Variants in FGD1 observed in about 807,000 individuals in gnomAD.
FGD1 encodes FYVE, RhoGEF and PH domain-containing protein 1.
Under a neutral mutation model 65.0 loss-of-function variants are expected in FGD1, and 12 were observed. That is an observed-to-expected ratio of 0.18 (90% CI 0.12 to 0.30). FGD1 has a LOEUF of 0.30. Among genes scored for constraint, FGD1 ranks in the 10% least tolerant of loss-of-function variants. The probability of loss-of-function intolerance (pLI) is 1.00; values close to 1 mark genes in which losing one functional copy is unlikely to be tolerated. For synonymous variants in FGD1, 333 were observed against 343.9 expected, an observed-to-expected ratio of 0.97 and a Z score of 0.35; for missense variants, 542 against 837.6, an observed-to-expected ratio of 0.65 and a Z score of 4.36.
At position 54,470,232 on chromosome X, in the gene FGD1, C is replaced by T. The variant is rs772237720; in HGVS notation, c.885G>A (p.Glu295=). The change falls in exon 4 of 18, where the codon GAG becomes GAA. Residue 295 remains glutamate (E), a synonymous_variant. Coordinates refer to ENST00000375135, the MANE Select transcript of FGD1 (RefSeq NM_004463.3). ...CGTCATCACTGACGAAGCAGGTCTC[C>T]TCGCTGTTGGATGGCGAGCTGATGC... The part of the protein sequence containing the change: ...IDSISSPSNS[E]ETCFVSDDGP... 1 of 1,205,677 alleles carries T rather than the reference C, an allele frequency of 8.3e-7. No individual in the cohort carries two copies. The highest frequency in any genetic ancestry group is 1.1e-6 in the Non-Finnish European group (1 of 892,343).
chrX:54,463,117 C>G (rs372087838), intron 8 of FGD1, among the ~76,000 whole-genome samples: 8 of 111,316 alleles, frequency 7.2e-5, no homozygotes, highest in African/African-American at 2.6e-4. Flanking sequence ...GAGCTTTGTC[C>G]TTGGCCCCCT....
At chrX:54,480,024 C>T (rs747504601) in intron 1 of FGD1, among the ~76,000 whole-genome samples, 2 of 112,450 alleles carry the variant, frequency 1.8e-5, no homozygotes, top group East Asian at 5.6e-4. Flanking sequence ...GTCGACTATT[C>T]TTCTCAACAT....
intron 8 of FGD1, among the ~76,000 whole-genome samples, chrX:54,457,483 C>CA (rs1350006734): frequency 3.6e-5 from 4 of 110,458 alleles, no homozygotes; most frequent in African/African-American, 6.6e-5. Flanking sequence ...TCTTCCCTGC[C>CA]AAAAAAAATG....
rs1196023181 is a variant in FGD1, at chrX:54,494,310, TTC to T, written c.307+814_307+815del. On this transcript the variant is annotated intron_variant, in intron 1 of 17. Transcript: ENST00000375135. The stretch of plus-strand genomic sequence containing the variant: ...CTCCCAAGGCCCACCTCTTCCACCT[TTC>T]TCTCTCAGCACCTTCTACTCCTTCC... Among the ~76,000 whole-genome samples the T allele has an allele frequency of 2.7e-5, 3 of 109,720 alleles. No homozygotes were observed. In the Admixed American group the frequency reaches 3.0e-4, roughly 11 times the overall value.
At chrX:54,471,697 A>G (rs1011202070) in intron 1 of FGD1, among the ~76,000 whole-genome samples, 5 of 111,295 alleles carry the variant, frequency 4.5e-5, no homozygotes, top group African/African-American at 1.3e-4. Context: ...GTTTTCATCA[A>G]TAGATAAGAA....
chrX:54,470,696 AGGGGGGATGGGCTCCAGTGG>A lies in FGD1; in HGVS notation c.526_545del (p.Pro176SerfsTer34). The A allele has an allele frequency of 3.9e-6, 1 of 256,954 alleles. No individual in the cohort carries two copies. Among genetic ancestry groups the A allele is most frequent in the Non-Finnish European group, 5.5e-6 (1 of 183,459 alleles). The allele number at this position is 256,954 out of a possible 1,213,427, so 21.2% of individuals were successfully genotyped here. A position where few individuals can be genotyped will look rare whatever the true frequency, so the allele number is the denominator to read the frequency against. On this transcript the variant is annotated frameshift_variant, in exon 3 of 18. Coordinates refer to ENST00000375135, the MANE Select transcript of FGD1 (RefSeq NM_004463.3). LOFTEE classifies it high-confidence loss of function. ...CGGCAGGCAGTGGGCGTGATGGTGG[AGGGGGGATGGGCTCCAGTGG>A]GGGGGGCATCCGGGGCATCTGCAGG...
At chrX:54,475,789 C>T (rs941357487) in intron 1 of FGD1, among the ~76,000 whole-genome samples, 4 of 112,380 alleles carry the variant, frequency 3.6e-5, no homozygotes, top group East Asian at 2.8e-4. Flanking sequence ...TCAGCTAGGC[C>T]GGGCGCGGTG....
chrX:54,466,085 C>T (rs368840652), intron 6 of FGD1, among the ~76,000 whole-genome samples: 1 of 112,003 alleles, frequency 8.9e-6, no homozygotes, highest in East Asian at 2.8e-4. Flanking sequence ...CTGCCCTGCC[C>T]GAGTACTGGT....
intron 1 of FGD1, among the ~76,000 whole-genome samples, chrX:54,486,362 C>T (rs189655464): frequency 5.9e-4 from 66 of 111,927 alleles, no homozygotes; most frequent in East Asian, 2.6e-3. Context: ...GATTCTCCTG[C>T]CTCAGCCTCC....
intron 1 of FGD1, among the ~76,000 whole-genome samples, chrX:54,482,489 C>A (rs1304366880): frequency 8.9e-6 from 1 of 111,902 alleles, no homozygotes; most frequent in South Asian, 3.7e-4. Flanking sequence ...GCTGGGAGCA[C>A]TGGGAGCAGT....
chrX:54,462,860 G>C (rs1163485533), intron 8 of FGD1, among the ~76,000 whole-genome samples: 1 of 106,873 alleles, frequency 9.4e-6, no homozygotes, highest in Non-Finnish European at 1.9e-5. Flanking sequence ...TGCCTCCCGG[G>C]TTCAAGTGGT....
chrX:54,446,611 C>T (rs1345926404), intron 17 of FGD1, among the ~76,000 whole-genome samples, 197 bp from the exon 18 acceptor site: 1 of 110,681 alleles, frequency 9.0e-6, no homozygotes, highest in Non-Finnish European at 1.9e-5. Flanking sequence ...GGTTTAAATA[C>T]CTGTCTCCCC....
chrX:54,453,387 C>G (rs1411353570), intron 12 of FGD1, among the ~76,000 whole-genome samples: 5 of 111,478 alleles, frequency 4.5e-5, no homozygotes, highest in African/African-American at 1.6e-4. Context: ...CATCTGCTGA[C>G]ATGCATCCAT....
intron 1 of FGD1, among the ~76,000 whole-genome samples, chrX:54,494,395 C>G (rs1364295143): frequency 9.7e-6 from 1 of 102,568 alleles, no homozygotes; most frequent in Non-Finnish European, 1.9e-5. Context: ...ATCAATCCAC[C>G]GTCTTTCTTT....
intron 8 of FGD1, among the ~76,000 whole-genome samples, chrX:54,458,126 A>C (rs1161246470): frequency 8.9e-6 from 1 of 112,253 alleles, no homozygotes; most frequent in African/African-American, 3.2e-5. Flanking sequence ...CCAATCTCCA[A>C]CCCTTATTCC....
rs747677905 is a variant in FGD1 at position 54,476,067 on chromosome X, AAAAC to A, written c.308-4584_308-4581del. ...GCAACAAGAGCGAAACTCTGTCTCAAAAACAAACAAACAAACAAACAAACAAAAA... is the reference window on the plus strand; with the variant it reads ...GCAACAAGAGCGAAACTCTGTCTCAAAAACAAACAAACAAACAAACAAAAA... On this transcript the variant is annotated intron_variant, in intron 1 of 17. Coordinates refer to ENST00000375135, the MANE Select transcript of FGD1 (RefSeq NM_004463.3). Among the ~76,000 whole-genome samples, 190 of 111,558 alleles carry A rather than the reference AAAAC, an allele frequency of 1.7e-3. 2 individuals are homozygous for A. The highest frequency in any genetic ancestry group is 5.6e-3 in the African/African-American group (170 of 30,609).
intron 8 of FGD1, among the ~76,000 whole-genome samples, chrX:54,457,541 T>C (rs1293102768): frequency 8.9e-6 from 1 of 112,131 alleles, no homozygotes; most frequent in African/African-American, 3.2e-5. Flanking sequence ...CTTCATATAA[T>C]GGAACATTAA....
rs181985198 is a variant in FGD1, at chrX:54,448,734, C to T, written c.2436+72G>A. On this transcript the variant is annotated intron_variant, in intron 16 of 17. Transcript: ENST00000375135. Reference sequence around the variant, plus strand: ...TACTGTTTCCCAAATACTCGGGCCTCCTCAGTCTCACTGGGTAGAGTTGGA... The same window carrying T: ...TACTGTTTCCCAAATACTCGGGCCTTCTCAGTCTCACTGGGTAGAGTTGGA... 6.1e-4 allele frequency: 671 copies of T among 1,106,206 alleles called. 1 individual carries two copies. The African/African-American group carries it at 0.011, about 18-fold the overall frequency. The allele number at this position is 1,106,206 out of a possible 1,213,427, so 91.2% of individuals were successfully genotyped here. A position where few individuals can be genotyped will look rare whatever the true frequency, so the allele number is the denominator to read the frequency against.
chrX:54,466,784 C>G (rs1486128038), intron 6 of FGD1, among the ~76,000 whole-genome samples: 1 of 105,914 alleles, frequency 9.4e-6, no homozygotes, highest in African/African-American at 3.4e-5. Flanking sequence ...GAGTCTTGCT[C>G]TGTTGCCCAG....
Sources: allele counts gnomAD v4.1 joint callset (sites outside exome capture counted in the v4.1 genomes callset), GRCh38; gene constraint gnomAD v4.1.1; transcripts MANE v1.5; gene names NCBI Gene and HGNC (gene_info 2026-07-23, HGNC 2026-07-21).